GABBR2: variants seen among roughly 807,000 people sequenced by gnomAD.
The protein encoded by GABBR2 is gamma-aminobutyric acid type B receptor subunit 2.
GABBR2 carries 23 observed loss-of-function variants against 105.6 expected under a neutral mutation model. That is an observed-to-expected ratio of 0.22 (90% confidence interval 0.16 to 0.31). The LOEUF (loss-of-function observed/expected upper bound fraction) is 0.31, where lower values mean the gene tolerates loss of function less well. Ranked by LOEUF, GABBR2 falls within the 10% of genes least tolerant of loss-of-function variation. The probability of loss-of-function intolerance (pLI) is 1.00; values close to 1 mark genes in which losing one functional copy is unlikely to be tolerated. For missense variants in GABBR2, 734 were observed against 1,245.5 expected, an observed-to-expected ratio of 0.59 and a Z score of 6.18; for synonymous variants, 478 against 499.7, an observed-to-expected ratio of 0.96 and a Z score of 0.58.
intron 7 of GABBR2, among the ~76,000 whole-genome samples, chr9:98,431,909 T>C (rs1456286517): frequency 6.6e-6 from 1 of 152,094 alleles, no homozygotes; most frequent in East Asian, 1.9e-4. Flanking sequence ...TTATCACTAT[T>C]TTTTGAGATG....
At chr9:98,398,048 C>T (rs936402177) in intron 8 of GABBR2, among the ~76,000 whole-genome samples, 9 of 152,134 alleles carry the variant, frequency 5.9e-5, no homozygotes, top group African/African-American at 7.2e-5. Flanking sequence ...TTAACTCCAC[C>T]GTGCAAACAA....
At chr9:98,586,310 T>G (rs111689710) in intron 1 of GABBR2, among the ~76,000 whole-genome samples, 1 of 146,786 alleles carries the variant, frequency 6.8e-6, no homozygotes, top group Non-Finnish European at 1.5e-5. Context: ...TTTGTTTGTT[T>G]GTTTTTTTAG....
Position 98,587,004 on chromosome 9 carries a change from T to C in GABBR2, c.322-8932A>G, listed in dbSNP as rs369385478. 4.8e-4 allele frequency among the ~76,000 whole-genome samples: 73 copies of C among 152,382 alleles called. 3 individuals are homozygous for C. In the South Asian group the frequency reaches 0.015, roughly 32 times the overall value. On this transcript the variant is annotated intron_variant, in intron 1 of 18. Transcript: ENST00000259455. ...TTGTTGAATCATAGCGTTTGCTGCA[T>C]GTTCTCTAAGTGGTTTGATCCATTT...
chr9:98,651,613 A>G (rs1283718291), intron 1 of GABBR2, among the ~76,000 whole-genome samples: 1 of 151,854 alleles, frequency 6.6e-6, no homozygotes, highest in Non-Finnish European at 1.5e-5. Flanking sequence ...TTAAAAAAAA[A>G]TTAGAGATGG....
At chr9:98,339,954 C>G (rs904967480) in intron 13 of GABBR2, among the ~76,000 whole-genome samples, 2 of 152,068 alleles carry the variant, frequency 1.3e-5, no homozygotes, top group East Asian at 3.9e-4. Flanking sequence ...TCACTGAACT[C>G]GGGCATGGAC....
intron 3 of GABBR2, among the ~76,000 whole-genome samples, chr9:98,501,609 G>C (rs1460123185): frequency 6.6e-6 from 1 of 152,134 alleles, no homozygotes; most frequent in Non-Finnish European, 1.5e-5. Flanking sequence ...ACACTCAGAG[G>C]ACAGTTTTAA....
intron 5 of GABBR2, among the ~76,000 whole-genome samples, chr9:98,477,760 C>T (rs527423222): frequency 3.3e-5 from 5 of 152,328 alleles, no homozygotes; most frequent in Admixed American, 1.3e-4. Flanking sequence ...GCAAGAAAGA[C>T]GTTTCCTTTT....
chr9:98,506,730 T>G (rs1318540779), intron 3 of GABBR2, among the ~76,000 whole-genome samples: 1 of 152,138 alleles, frequency 6.6e-6, no homozygotes, highest in African/African-American at 2.4e-5. Context: ...GCAGAGAGTG[T>G]CAGGCACCTG....
At chr9:98,526,307 C>T (rs746231989) in intron 3 of GABBR2, among the ~76,000 whole-genome samples, 1 of 152,220 alleles carries the variant, frequency 6.6e-6, no homozygotes, top group East Asian at 1.9e-4. Context: ...CTCCCACACC[C>T]ACCCTGTTCC....
chr9:98,419,040 T>C (rs997924579), intron 7 of GABBR2, among the ~76,000 whole-genome samples: 27 of 152,236 alleles, frequency 1.8e-4, no homozygotes, highest in Admixed American at 1.6e-3. Context: ...GTCTGAGAGA[T>C]GCAATTTGCA....
intron 4 of GABBR2, among the ~76,000 whole-genome samples, chr9:98,486,738 A>G (rs1827060448): frequency 6.6e-6 from 1 of 152,224 alleles, no homozygotes; most frequent in African/African-American, 2.4e-5. Flanking sequence ...GACCTGGGCC[A>G]GCGGGCACTG....
At chr9:98,699,295 A>T (rs1830796861) in intron 1 of GABBR2, among the ~76,000 whole-genome samples, 1 of 152,200 alleles carries the variant, frequency 6.6e-6, no homozygotes, top group African/African-American at 2.4e-5. Flanking sequence ...AGAGACGAAG[A>T]AAATGACATC....
At chr9:98,571,509 C>A (rs756817477) in intron 2 of GABBR2, among the ~76,000 whole-genome samples, 3 of 152,136 alleles carry the variant, frequency 2.0e-5, no homozygotes, top group Non-Finnish European at 4.4e-5. Context: ...GTCACCTGAG[C>A]CACTGGTACT....
intron 13 of GABBR2, among the ~76,000 whole-genome samples, chr9:98,339,485 G>T (rs1277845088): frequency 6.6e-6 from 1 of 152,120 alleles, no homozygotes; most frequent in Non-Finnish European, 1.5e-5. Flanking sequence ...TGCACCACCT[G>T]TAGCCTTGCC....
chr9:98,303,167 T>C, intron 16 of GABBR2, 74 bp downstream of exon 16: 1 of 1,257,418 alleles, frequency 8.0e-7, no homozygotes, highest in East Asian at 2.4e-5. Context: ...TAGAGGAGCC[T>C]GAGAGTCCCC....
chr9:98,690,625 C>T (rs1435391415), intron 1 of GABBR2, among the ~76,000 whole-genome samples: 1 of 152,114 alleles, frequency 6.6e-6, no homozygotes, highest in Non-Finnish European at 1.5e-5. Flanking sequence ...AGCTGGGAAC[C>T]AAGACCATGA....
At chr9:98,531,393 G>A (rs1385478962) in intron 3 of GABBR2, among the ~76,000 whole-genome samples, 2 of 152,228 alleles carry the variant, frequency 1.3e-5, no homozygotes, top group African/African-American at 2.4e-5. Flanking sequence ...CTGGAGTAGA[G>A]GGAGGAGGAG....
intron 1 of GABBR2, chr9:98,608,009 A>G (rs1829454024): frequency 7.8e-7 from 1 of 1,286,822 alleles, no homozygotes; most frequent in Admixed American, 1.9e-5. Flanking sequence ...AGCATAAACA[A>G]TTAGAGGAAA....
intron 13 of GABBR2, among the ~76,000 whole-genome samples, chr9:98,344,739 G>A (rs568301191): frequency 2.0e-4 from 31 of 152,096 alleles, no homozygotes; most frequent in South Asian, 8.3e-4. Context: ...AGTGATTCCC[G>A]GGGCTCCTAT....
Sources: allele counts gnomAD v4.1 joint callset (sites outside exome capture counted in the v4.1 genomes callset), GRCh38; gene constraint gnomAD v4.1.1; transcripts MANE v1.5; gene names NCBI Gene and HGNC (gene_info 2026-07-23, HGNC 2026-07-21).